The following RGS12 variants were observed in gnomAD, a reference collection of about 807,000 sequenced individuals.
RGS12 encodes regulator of G protein signaling 12.
A neutral mutation model predicts 120.1 loss-of-function variants in RGS12; 66 were observed. The ratio of observed to expected loss-of-function variants is 0.55; its 90% CI spans 0.45 to 0.67. The LOEUF is 0.67. Among genes scored for constraint, RGS12 ranks in the 30% least tolerant of loss-of-function variants. The probability of loss-of-function intolerance (pLI) is 0.00; values close to 1 mark genes in which losing one functional copy is unlikely to be tolerated. For synonymous variants in RGS12, 827 were observed against 804.7 expected (o/e 1.03, Z -0.47); for missense variants, 1,859 against 1,957.7 (o/e 0.95, Z 0.95).
intron 4 of RGS12, among the ~76,000 whole-genome samples, chr4:3,396,721 C>A (rs1720077081): frequency 6.6e-6 from 1 of 152,064 alleles, no homozygotes; most frequent in Admixed American, 6.5e-5. Context: ...TTTAAGATTG[C>A]CTTGGTTATT....
rs1578715911 is a variant in RGS12 at position 3,317,979 on chromosome 4, C to T, written c.1809C>T (p.Ser603=). 1 of 1,614,092 alleles carries T rather than the reference C, an allele frequency of 6.2e-7. No individual in the cohort carries two copies. Among genetic ancestry groups the T allele is most frequent in the East Asian group, 2.2e-5 (1 of 44,886 alleles). The part of the protein sequence containing the change: ...PPLNAPKREW[S]RKAFGMQSIF... ...TGAATGCCCCGAAGAGGGAGTGGTC[C>T]AGGAAGGCCTTTGGAATGCAAAGCA... Residue 603 remains serine (S), a synonymous_variant, in exon 2 of 18, where the codon TCC becomes TCT. Transcript: ENST00000336727.
rs1010834839 is a variant in RGS12 at position 3,342,566 on chromosome 4, C to G, written c.1882-371C>G. 2.3e-6 allele frequency: 3 copies of G among 1,302,126 alleles called. No homozygotes were observed. The African/African-American group carries it at 4.5e-5, about 20-fold the overall frequency. 80.7% of individuals were successfully genotyped at this position (1,302,126 alleles called of 1,614,324 possible). On this transcript the variant is annotated intron_variant, in intron 2 of 17. Transcript: ENST00000336727. ...CTTTACTAATCATCATACTAGTCAT[C>G]TTTACTCTCAGTGTACTGTGTCCAC... is the stretch of plus-strand genomic sequence containing the variant.
At chr4:3,370,106 T>A in intron 3 of RGS12, 2 of 1,381,278 alleles carry the variant, frequency 1.4e-6, no homozygotes, top group Non-Finnish European at 1.9e-6. Context: ...TCTGAAACCC[T>A]GGCAAGCCAC....
chr4:3,415,948 G>A (rs756009760), intron 6 of RGS12, 30 bp from the exon 7 acceptor site: 2 of 1,584,516 alleles, frequency 1.3e-6, no homozygotes, highest in Non-Finnish European at 8.6e-7. Context: ...AGGAAGCCTT[G>A]CCGGGCTGCT....
At chr4:3,322,078 G>T (rs1216301893) in intron 2 of RGS12, among the ~76,000 whole-genome samples, 2 of 152,200 alleles carry the variant, frequency 1.3e-5, no homozygotes, top group Admixed American at 6.5e-5. Context: ...CTGTCTGCAG[G>T]CTCAGCCCGG....
intron 2 of RGS12, among the ~76,000 whole-genome samples, chr4:3,328,133 C>CA (rs1725686310): frequency 6.6e-6 from 1 of 152,136 alleles, no homozygotes; most frequent in South Asian, 2.1e-4. Context: ...TGAAACAAGT[C>CA]AGATACAGAA....
At chr4:3,342,107 C>G (rs1245730631) in intron 2 of RGS12, among the ~76,000 whole-genome samples, 1 of 151,866 alleles carries the variant, frequency 6.6e-6, no homozygotes, top group Non-Finnish European at 1.5e-5. Context: ...GGAATTGTGG[C>G]AAGGTTTTCT....
chr4:3,356,637 T>C (rs1337591508), intron 3 of RGS12, among the ~76,000 whole-genome samples: 1 of 149,258 alleles, frequency 6.7e-6, no homozygotes, highest in Non-Finnish European at 1.5e-5. Flanking sequence ...CTAAGTGAAA[T>C]CGTACAGTAT....
chr4:3,294,955 C>T (rs750344783), intron 1 of RGS12, among the ~76,000 whole-genome samples: 1 of 152,088 alleles, frequency 6.6e-6, no homozygotes, highest in Non-Finnish European at 1.5e-5. Context: ...GTGGCGCGGC[C>T]TGAGGGCATG....
At chr4:3,394,798 C>T (rs1020649120) in intron 4 of RGS12, among the ~76,000 whole-genome samples, 1 of 152,166 alleles carries the variant, frequency 6.6e-6, no homozygotes, top group Non-Finnish European at 1.5e-5. Flanking sequence ...AGCCCAAGCG[C>T]CCCTGCAGGC....
intron 3 of RGS12, among the ~76,000 whole-genome samples, chr4:3,379,436 A>G (rs1386276983): frequency 6.6e-6 from 1 of 152,242 alleles, no homozygotes; most frequent in African/African-American, 2.4e-5. Context: ...AATTCACTTG[A>G]TTGTGATAAT....
chr4:3,290,037 T>C (rs1213954859), upstream of RGS12, among the ~76,000 whole-genome samples: 3 of 152,228 alleles, frequency 2.0e-5, no homozygotes, highest in African/African-American at 7.2e-5. Context: ...GATGTTTTCT[T>C]TATCCACCTA....
intron 4 of RGS12, among the ~76,000 whole-genome samples, chr4:3,405,916 GC>G (rs56050929): frequency 0.22 from 33,266 of 151,678 alleles, 4,635 homozygotes; most frequent in East Asian, 0.47. Flanking sequence ...AGAAAAAGTT[GC>G]CCCCCCAAAA....
At chr4:3,407,927 A>ACT (rs1320114112) in intron 4 of RGS12, among the ~76,000 whole-genome samples, 3 of 152,130 alleles carry the variant, frequency 2.0e-5, no homozygotes, top group Non-Finnish European at 4.4e-5. Context: ...CAGACTTTAA[A>ACT]CTCTTTTTCA....
chr4:3,393,161 A>G (rs2081940725), intron 4 of RGS12, among the ~76,000 whole-genome samples: 1 of 152,040 alleles, frequency 6.6e-6, no homozygotes, highest in Non-Finnish European at 1.5e-5. Context: ...CTGAGTGCTG[A>G]ATTTTGTTGC....
At chr4:3,352,820 C>T (rs1714489435) in intron 3 of RGS12, among the ~76,000 whole-genome samples, 1 of 152,156 alleles carries the variant, frequency 6.6e-6, no homozygotes, top group Non-Finnish European at 1.5e-5. Context: ...CCCTGCCTTC[C>T]CAACCTTCCC....
intron 1 of RGS12, among the ~76,000 whole-genome samples, chr4:3,315,613 C>T (rs919301672): frequency 2.0e-5 from 3 of 152,206 alleles, no homozygotes; most frequent in East Asian, 1.9e-4. Flanking sequence ...TCTGCAGGTG[C>T]CTTTGAACCT....
At chr4:3,428,473 T>C (rs1723909477) in intron 15 of RGS12, 85 bp from the exon 16 acceptor site, 15 of 1,194,842 alleles carry the variant, frequency 1.3e-5, no homozygotes, top group Non-Finnish European at 1.7e-5. Context: ...ATCTATTTCA[T>C]AGAGCCTTCT....
chr4:3,329,613 C>T (rs1008796212), intron 2 of RGS12, among the ~76,000 whole-genome samples: 15 of 141,948 alleles, frequency 1.1e-4, no homozygotes, highest in Admixed American at 7.5e-4. Context: ...GCGGCGCACC[C>T]GAGAGGGCTT....
Sources: gnomAD v4.1 joint callset for allele counts (sites outside exome capture counted in the v4.1 genomes callset) on GRCh38, gnomAD v4.1.1 for gene constraint, MANE v1.5 for transcripts, NCBI Gene and HGNC (gene_info 2026-07-23, HGNC 2026-07-21) for gene names.